PRR5L: variants seen among roughly 807,000 people sequenced by gnomAD.
The protein encoded by PRR5L is proline-rich protein 5-like.
In PRR5L, 21 loss-of-function variants were observed where a neutral mutation model predicts 36.4. The observed-to-expected ratio is 0.58, with a 90% CI of 0.41 to 0.83. The LOEUF (loss-of-function observed/expected upper bound fraction) is 0.83, where lower values mean the gene tolerates loss of function less well. Ranked by LOEUF, PRR5L falls within the 40% of genes least tolerant of loss-of-function variation. The probability of loss-of-function intolerance (pLI) is 0.00; values close to 1 mark genes in which losing one functional copy is unlikely to be tolerated. For synonymous variants in PRR5L, 188 were observed against 197.0 expected (o/e 0.95, Z 0.38); for missense variants, 381 against 473.3 (o/e 0.80, Z 1.81).
rs1857109724 is a variant in PRR5L, at chr11:36,363,083, G to A, written c.-125-37914G>A. Among the ~76,000 whole-genome samples the A allele has an allele frequency of 2.0e-5, 3 of 152,220 alleles. No individual in the cohort carries two copies. The East Asian group carries it at 5.8e-4, about 29-fold the overall frequency. ...TGGTTTGTCTCTGCACCCTCGACCT[G>A]TGTGCAATAACTACTGCCTTTCCCA... On this transcript the variant is annotated intron_variant, in intron 1 of 8. Coordinates refer to ENST00000530639, the MANE Select transcript of PRR5L (RefSeq NM_001160167.2).
intron 8 of PRR5L, among the ~76,000 whole-genome samples, chr11:36,451,567 C>A (rs1858945964): frequency 6.6e-6 from 1 of 152,224 alleles, no homozygotes; most frequent in African/African-American, 2.4e-5. Context: ...AGGACCGATA[C>A]TGTGCCTTTG....
chr11:36,437,844 T>C (rs331481), intron 6 of PRR5L, among the ~76,000 whole-genome samples: 151,173 of 152,290 alleles, frequency 0.99, 75,042 homozygotes, highest in East Asian at 1. Context: ...TCTCTCCCCC[T>C]ACTTTTTTTT....
rs144231539 is a variant in PRR5L, at chr11:36,298,337, A to T, written c.-126+1899A>T. Among the ~76,000 whole-genome samples the T allele has an allele frequency of 3.3e-3, 502 of 152,306 alleles. 2 individuals are homozygous for T. Among genetic ancestry groups the T allele is most frequent in the African/African-American group, 0.012 (484 of 41,556 alleles). ...AGAACCTTATTTATATTATTATTAC[A>T]TTGTAATATATAATGAAATAATTAC... On this transcript the variant is annotated intron_variant, in intron 1 of 8. Coordinates refer to ENST00000530639, the MANE Select transcript of PRR5L (RefSeq NM_001160167.2).
intron 6 of PRR5L, 91 bp from the exon 7 acceptor site, chr11:36,446,209 A>G (rs1858825223): frequency 7.0e-7 from 1 of 1,430,016 alleles, no homozygotes; most frequent in East Asian, 2.4e-5. Context: ...CTTTGGTGCT[A>G]TATAAACATG....
intron 1 of PRR5L, among the ~76,000 whole-genome samples, chr11:36,395,548 G>A (rs1268795036): frequency 1.3e-5 from 2 of 152,292 alleles, no homozygotes; most frequent in Non-Finnish European, 2.9e-5. Context: ...GCTGCTCTAT[G>A]CTAAGTGGCT....
At chr11:36,420,349 G>T (rs1267224459) in intron 4 of PRR5L, among the ~76,000 whole-genome samples, 1 of 152,188 alleles carries the variant, frequency 6.6e-6, no homozygotes, top group African/African-American at 2.4e-5. Context: ...ATAGGGTAGT[G>T]GTCAAGATCA....
chr11:36,408,281 C>CAA (rs67856480), intron 3 of PRR5L, among the ~76,000 whole-genome samples: 3 of 138,486 alleles, frequency 2.2e-5, no homozygotes, highest in Non-Finnish European at 4.8e-5. Context: ...GAATTTGTCT[C>CAA]AAAAAAAAAA....
At chr11:36,351,844 G>C (rs1206401033) in intron 1 of PRR5L, among the ~76,000 whole-genome samples, 1 of 143,512 alleles carries the variant, frequency 7.0e-6, no homozygotes, top group Non-Finnish European at 1.5e-5. Flanking sequence ...ATTTGGACTA[G>C]TTCCACATTT....
At chr11:36,318,495 A>T (rs1461945735) in intron 1 of PRR5L, among the ~76,000 whole-genome samples, 1 of 152,086 alleles carries the variant, frequency 6.6e-6, no homozygotes, top group Non-Finnish European at 1.5e-5. Flanking sequence ...GTTTGGGCTC[A>T]TTTTCAACAT....
At chr11:36,404,739 G>C (rs1857874682) in intron 3 of PRR5L, among the ~76,000 whole-genome samples, 1 of 152,144 alleles carries the variant, frequency 6.6e-6, no homozygotes. Flanking sequence ...TGTTTTAAGA[G>C]CTCTACTTTC....
At chr11:36,462,264 T>C in intron 8 of PRR5L, 78 bp from the exon 9 acceptor site, 1 of 1,393,984 alleles carries the variant, frequency 7.2e-7, no homozygotes, top group South Asian at 1.6e-5. Context: ...CTTGTTCTTT[T>C]CCCCCAGTTG....
intron 4 of PRR5L, among the ~76,000 whole-genome samples, chr11:36,420,441 CCTCT>C (rs920951542): frequency 1.1e-4 from 17 of 152,140 alleles, no homozygotes; most frequent in Admixed American, 2.0e-4. Flanking sequence ...AGTTGCTTTA[CCTCT>C]CTGTATTTCC....
chr11:36,417,634 TCAA>T (rs1858174536), intron 3 of PRR5L, among the ~76,000 whole-genome samples: 1 of 152,264 alleles, frequency 6.6e-6, no homozygotes, highest in South Asian at 2.1e-4. Context: ...TTTTCTTTGT[TCAA>T]CGTGTGTTTG....
At chr11:36,408,308 G>A (rs913919782) in intron 3 of PRR5L, among the ~76,000 whole-genome samples, 3 of 151,618 alleles carry the variant, frequency 2.0e-5, no homozygotes, top group South Asian at 2.1e-4. Context: ...CATCAGAAAC[G>A]TCTCACCTCA....
At chr11:36,400,100 C>T (rs781732925) in intron 1 of PRR5L, among the ~76,000 whole-genome samples, 5 of 152,310 alleles carry the variant, frequency 3.3e-5, no homozygotes, top group Admixed American at 6.5e-5. Context: ...TTGAACCCAA[C>T]CCTGCAGGGC....
At chr11:36,340,644 A>G (rs1305487374) in intron 1 of PRR5L, among the ~76,000 whole-genome samples, 1 of 152,110 alleles carries the variant, frequency 6.6e-6, no homozygotes, top group Non-Finnish European at 1.5e-5. Context: ...GAAGCTCTGC[A>G]CTGTTACCTC....
rs1440467670 is a variant in PRR5L, at chr11:36,351,617, A to ATT, written c.-125-49378_-125-49377dup. Among the ~76,000 whole-genome samples, 16 of 12,320 alleles carry ATT rather than the reference A, an allele frequency of 1.3e-3. 2 individuals are homozygous for ATT. The highest frequency in any genetic ancestry group is 5.4e-3 in the African/African-American group (12 of 2,214). 8.1% of individuals were successfully genotyped at this position (12,320 alleles called of 152,430 possible). On this transcript the variant is annotated intron_variant, in intron 1 of 8. Transcript: ENST00000530639. ...TATTTATATAAATATATATTTATAT[A>ATT]TTTATATATTTATATAAATATATAT... is the stretch of plus-strand genomic sequence containing the variant.
intron 1 of PRR5L, among the ~76,000 whole-genome samples, chr11:36,327,307 A>G (rs78943015): frequency 0.096 from 14,544 of 152,098 alleles, 1,255 homozygotes; most frequent in African/African-American, 0.24. Context: ...GGTGTTGGAC[A>G]TGCCTTATTT....
chr11:36,346,348 C>T (rs1433445201), intron 1 of PRR5L, among the ~76,000 whole-genome samples: 1 of 152,094 alleles, frequency 6.6e-6, no homozygotes, highest in Non-Finnish European at 1.5e-5. Context: ...CTTTGGGAGG[C>T]TGAGGCGGGT....
Sources: allele counts gnomAD v4.1 joint callset (sites outside exome capture counted in the v4.1 genomes callset), GRCh38; gene constraint gnomAD v4.1.1; transcripts MANE v1.5; gene names NCBI Gene and HGNC (gene_info 2026-07-23, HGNC 2026-07-21).